The following KLF8 variants were observed in gnomAD, a reference collection of about 807,000 sequenced individuals.
The protein encoded by KLF8 is KLF transcription factor 8.
Under a neutral mutation model 18.2 loss-of-function variants are expected in KLF8, and 10 were observed. The observed-to-expected ratio is 0.55, with a 90% confidence interval of 0.34 to 0.93. KLF8 has a LOEUF of 0.93. Ranked by LOEUF, KLF8 falls within the 40% of genes least tolerant of loss-of-function variation. The probability of loss-of-function intolerance (pLI) is 0.02; values close to 1 mark genes in which losing one functional copy is unlikely to be tolerated. For missense variants in KLF8, 264 were observed against 277.9 expected, an observed-to-expected ratio of 0.95 and a Z score of 0.36; for synonymous variants, 109 against 97.3, an observed-to-expected ratio of 1.12 and a Z score of -0.71.
the KLF8 span, among the ~76,000 whole-genome samples, chrX:56,151,601 C>T: frequency 9.1e-6 from 1 of 110,251 alleles, no homozygotes; most frequent in African/African-American, 3.3e-5. Context: ...ATACTGGGAA[C>T]ACTGGAAAAG....
the KLF8 span, among the ~76,000 whole-genome samples, chrX:56,047,216 GTT>G: frequency 1.3e-4 from 14 of 106,145 alleles, no homozygotes; most frequent in African/African-American, 3.8e-4. Flanking sequence ...AAGTTGTGAT[GTT>G]TTTTTTTATT....
chrX:56,131,940 G>T, the KLF8 span, among the ~76,000 whole-genome samples: 23 of 111,578 alleles, frequency 2.1e-4, 2 homozygotes, highest in South Asian at 8.3e-3. Flanking sequence ...GGCAAATATC[G>T]CAATCCTAAA....
the KLF8 span, among the ~76,000 whole-genome samples, chrX:56,046,607 GA>G: frequency 6.1e-4 from 63 of 103,288 alleles, no homozygotes; most frequent in African/African-American, 1.9e-3. Flanking sequence ...TGTTTTTCTG[GA>G]AAAAAAAAAC....
chrX:56,242,399 A>T (rs2066558786), intron 1 of KLF8, among the ~76,000 whole-genome samples: 1 of 111,555 alleles, frequency 9.0e-6, no homozygotes. Context: ...TACTTTTAAA[A>T]TTTTTCTGAC....
chrX:56,119,659 C>G, the KLF8 span, among the ~76,000 whole-genome samples: 1 of 110,057 alleles, frequency 9.1e-6, no homozygotes, highest in East Asian at 2.9e-4. Context: ...CTTTGCCTCC[C>G]AAAGTGCTAG....
the KLF8 span, among the ~76,000 whole-genome samples, chrX:56,159,038 C>G: frequency 1.8e-5 from 2 of 111,574 alleles, no homozygotes; most frequent in African/African-American, 6.5e-5. Context: ...ATAGATAGCT[C>G]TTATTATTTG....
the KLF8 span, among the ~76,000 whole-genome samples, chrX:55,996,108 A>G: frequency 9.0e-6 from 1 of 111,488 alleles, no homozygotes; most frequent in African/African-American, 3.3e-5. Context: ...TGACTTGAAG[A>G]GCCTGTCTTC....
chrX:55,967,107 C>A, the KLF8 span, among the ~76,000 whole-genome samples: 1 of 111,246 alleles, frequency 9.0e-6, no homozygotes, highest in Non-Finnish European at 1.9e-5. Flanking sequence ...AAGAAGAACA[C>A]CTACAAGACC....
At chrX:55,941,378 A>T in the KLF8 span, among the ~76,000 whole-genome samples, 2 of 112,192 alleles carry the variant, frequency 1.8e-5, no homozygotes, top group African/African-American at 6.5e-5. Flanking sequence ...TTCAAGTTGG[A>T]TGAAAGACTT....
At chrX:56,086,255 A>G in the KLF8 span, among the ~76,000 whole-genome samples, 47 of 111,813 alleles carry the variant, frequency 4.2e-4, no homozygotes, top group African/African-American at 1.4e-3. Context: ...TACTTAATTC[A>G]TACTTCAGAA....
chrX:56,208,845 T>A, the KLF8 span, among the ~76,000 whole-genome samples: 1 of 112,341 alleles, frequency 8.9e-6, no homozygotes, highest in Admixed American at 9.4e-5. Context: ...TTTTAATTTT[T>A]AAAAAAATTT....
the KLF8 span, among the ~76,000 whole-genome samples, chrX:56,186,440 C>T: frequency 6.6e-3 from 733 of 111,274 alleles, 1 homozygote; most frequent in Middle Eastern, 0.014. Flanking sequence ...GAGTTTAACA[C>T]GCCACTGTCA....
At chrX:55,922,427 C>T in the KLF8 span, among the ~76,000 whole-genome samples, 1 of 112,129 alleles carries the variant, frequency 8.9e-6, no homozygotes, top group Non-Finnish European at 1.9e-5. Context: ...TGCATGGATA[C>T]AGGGAGGGGA....
the KLF8 span, among the ~76,000 whole-genome samples, chrX:56,143,053 C>T: frequency 9.0e-6 from 1 of 111,595 alleles, no homozygotes; most frequent in Non-Finnish European, 1.9e-5. Context: ...CAATAAAAGT[C>T]AAAGCCTGAT....
At chrX:56,143,647 C>T in the KLF8 span, among the ~76,000 whole-genome samples, 1 of 111,842 alleles carries the variant, frequency 8.9e-6, no homozygotes, top group Non-Finnish European at 1.9e-5. Flanking sequence ...TCACCCCAAC[C>T]CTTACCATTC....
the KLF8 span, among the ~76,000 whole-genome samples, chrX:55,943,430 G>A: frequency 9.0e-6 from 1 of 111,318 alleles, no homozygotes; most frequent in African/African-American, 3.3e-5. Context: ...TCTGGTAGAT[G>A]AGAAGCCTTC....
In KLF8 at chrX:56,236,740, A is replaced by G. The variant is rs749319962; in HGVS notation, c.7+3399A>G. On this transcript the variant is annotated intron_variant, in intron 1 of 5. Transcript: ENST00000468660. ...GCATGGTGAAAAAAGTCTCCCTCCT[A>G]TTCCTGTTCTCTAGCCACCCATTTT... 5.5e-5 allele frequency among the ~76,000 whole-genome samples: 6 copies of G among 109,960 alleles called. No homozygotes were observed. In the South Asian group the frequency reaches 2.3e-3, roughly 42 times the overall value.
At chrX:56,209,262 T>C in the KLF8 span, among the ~76,000 whole-genome samples, 3 of 112,028 alleles carry the variant, frequency 2.7e-5, no homozygotes, top group Non-Finnish European at 5.6e-5. Flanking sequence ...TGTCTGATAT[T>C]AATATAGTTA....
intron 5 of KLF8, among the ~76,000 whole-genome samples, chrX:56,272,042 G>A (rs1306521706): frequency 9.0e-6 from 1 of 111,450 alleles, no homozygotes; most frequent in African/African-American, 3.3e-5. Context: ...TCGGATTTCA[G>A]TACTGTTTTT....
Sources: allele counts gnomAD v4.1 joint callset (sites outside exome capture counted in the v4.1 genomes callset), GRCh38; gene constraint gnomAD v4.1.1; transcripts MANE v1.5; gene names NCBI Gene and HGNC (gene_info 2026-07-23, HGNC 2026-07-21).